Variants in MTUS2 observed in about 807,000 individuals in gnomAD.
The protein encoded by MTUS2 is microtubule associated scaffold protein 2, also known as microtubule-associated tumor suppressor candidate 2.
MTUS2 carries 40 observed loss-of-function variants against 114.1 expected under a neutral mutation model. The observed-to-expected ratio is 0.35, with a 90% CI of 0.27 to 0.46. The LOEUF (loss-of-function observed/expected upper bound fraction) is 0.46, where lower values mean the gene tolerates loss of function less well. MTUS2 is among the 20% of genes least tolerant of loss of function. The pLI is 1.00. For missense variants in MTUS2, 1,679 were observed against 1,705.4 expected (o/e 0.98, Z 0.27); for synonymous variants, 688 against 672.0 (o/e 1.02, Z -0.37).
chr13:29,270,248 C>T (rs748581913), intron 5 of MTUS2, among the ~76,000 whole-genome samples: 2 of 152,112 alleles, frequency 1.3e-5, no homozygotes, highest in Non-Finnish European at 2.9e-5. Flanking sequence ...CAGGGACCTG[C>T]TAGAGGCAGC....
At chr13:29,198,435 GT>G (rs1236791257) in intron 5 of MTUS2, among the ~76,000 whole-genome samples, 1 of 152,124 alleles carries the variant, frequency 6.6e-6, no homozygotes, top group African/African-American at 2.4e-5. Context: ...CTATATGTCT[GT>G]TTTGATACCA....
intron 5 of MTUS2, among the ~76,000 whole-genome samples, chr13:29,251,896 C>T (rs879807237): frequency 1.3e-5 from 2 of 152,128 alleles, no homozygotes; most frequent in Non-Finnish European, 1.5e-5. Context: ...GCTATGAACA[C>T]GAGTCTACAA....
chr13:29,152,095 T>G (rs1228806366), intron 5 of MTUS2, among the ~76,000 whole-genome samples: 3 of 152,034 alleles, frequency 2.0e-5, no homozygotes, highest in Non-Finnish European at 2.9e-5. Context: ...TGGGGGGGAA[T>G]AGTTTCAGTA....
At chr13:29,187,146 T>C (rs1278660246) in intron 5 of MTUS2, among the ~76,000 whole-genome samples, 1 of 151,240 alleles carries the variant, frequency 6.6e-6, no homozygotes, top group Non-Finnish European at 1.5e-5. Context: ...AATGCAAATA[T>C]TAAAATATAA....
chr13:28,884,874 G>A (rs886311783), intron 2 of MTUS2, among the ~76,000 whole-genome samples: 1 of 151,992 alleles, frequency 6.6e-6, no homozygotes, highest in African/African-American at 2.4e-5. Flanking sequence ...AATTTTCCTG[G>A]TATACAGGAA....
intron 8 of MTUS2, among the ~76,000 whole-genome samples, chr13:29,437,616 A>G (rs1050214473): frequency 6.6e-6 from 1 of 152,216 alleles, no homozygotes; most frequent in Non-Finnish European, 1.5e-5. Context: ...TCAAAAATTA[A>G]GCAAAATCAG....
At chr13:29,364,434 G>A (rs534779875) in intron 8 of MTUS2, among the ~76,000 whole-genome samples, 1 of 152,238 alleles carries the variant, frequency 6.6e-6, no homozygotes, top group South Asian at 2.1e-4. Context: ...TAGGCCCTGG[G>A]GAACTGTTTT....
intron 4 of MTUS2, among the ~76,000 whole-genome samples, chr13:29,047,839 A>G (rs149538660): frequency 2.6e-5 from 4 of 152,282 alleles, no homozygotes; most frequent in Non-Finnish European, 5.9e-5. Context: ...TGTACATTTC[A>G]GTGATCCCTG....
chr13:28,886,888 C>T (rs1034003009), intron 2 of MTUS2, among the ~76,000 whole-genome samples: 1 of 152,310 alleles, frequency 6.6e-6, no homozygotes, highest in East Asian at 1.9e-4. Flanking sequence ...ATTAGGTGAA[C>T]TGTGATGAGC....
At chr13:29,357,200 T>TGA (rs201516271) in intron 7 of MTUS2, among the ~76,000 whole-genome samples, 2 of 109,880 alleles carry the variant, frequency 1.8e-5, no homozygotes, top group South Asian at 3.4e-4. Flanking sequence ...GATGATGATA[T>TGA]TATTATTATT....
At chr13:28,868,064 T>C (rs1256062818) in intron 2 of MTUS2, among the ~76,000 whole-genome samples, 1 of 152,218 alleles carries the variant, frequency 6.6e-6, no homozygotes, top group Non-Finnish European at 1.5e-5. Flanking sequence ...CATTCATCTT[T>C]ATCTGCTTAT....
intron 8 of MTUS2, among the ~76,000 whole-genome samples, chr13:29,382,237 A>G (rs1193351542): frequency 6.6e-6 from 1 of 152,152 alleles, no homozygotes; most frequent in Non-Finnish European, 1.5e-5. Flanking sequence ...GCAGTGGTGG[A>G]GACCCTGGCC....
chr13:29,376,241 T>C (rs763378588), intron 8 of MTUS2, among the ~76,000 whole-genome samples: 9 of 151,988 alleles, frequency 5.9e-5, no homozygotes, highest in Non-Finnish European at 1.0e-4. Flanking sequence ...CTGATGGAGG[T>C]TGCACGTAGA....
chr13:29,210,708 C>A (rs1332517897), intron 5 of MTUS2, among the ~76,000 whole-genome samples: 1 of 152,130 alleles, frequency 6.6e-6, no homozygotes, highest in East Asian at 1.9e-4. Flanking sequence ...CTGGGTCTAG[C>A]CACCTAGCTG....
intron 9 of MTUS2, among the ~76,000 whole-genome samples, chr13:29,442,050 G>A (rs1421276057): frequency 1.3e-5 from 2 of 152,122 alleles, no homozygotes. Context: ...TGACCTTCAG[G>A]TCAGTTCCCA....
At chr13:29,332,716 G>A (rs1175047781) in intron 7 of MTUS2, among the ~76,000 whole-genome samples, 1 of 148,206 alleles carries the variant, frequency 6.7e-6, no homozygotes, top group Admixed American at 6.8e-5. Context: ...CTCACTGCAA[G>A]CTCCACCTCC....
At chr13:28,901,973 A>G (rs764215747) in intron 2 of MTUS2, among the ~76,000 whole-genome samples, 2 of 152,160 alleles carry the variant, frequency 1.3e-5, no homozygotes, top group Non-Finnish European at 2.9e-5. Flanking sequence ...TTCTATGAAA[A>G]CAATATGCCT....
At chr13:29,241,178 G>T (rs754942904) in intron 5 of MTUS2, among the ~76,000 whole-genome samples, 3 of 152,178 alleles carry the variant, frequency 2.0e-5, no homozygotes, top group Non-Finnish European at 2.9e-5. Context: ...AGGGCTTAGA[G>T]GTTATTTCTA....
intron 2 of MTUS2, among the ~76,000 whole-genome samples, chr13:28,910,073 A>G (rs1327508613): frequency 2.0e-5 from 3 of 152,044 alleles, no homozygotes; most frequent in Non-Finnish European, 4.4e-5. Context: ...GTGCAATTAA[A>G]CTATTACTGA....
Sources: gnomAD v4.1 joint callset for allele counts (sites outside exome capture counted in the v4.1 genomes callset) on GRCh38, gnomAD v4.1.1 for gene constraint, MANE v1.5 for transcripts, NCBI Gene and HGNC (gene_info 2026-07-23, HGNC 2026-07-21) for gene names.